ST6GALNAC5: variants seen among roughly 807,000 people sequenced by gnomAD.
ST6GALNAC5 encodes ST6 N-acetylgalactosaminide alpha-2,6-sialyltransferase 5, also known as alpha-N-acetylgalactosaminide alpha-2,6-sialyltransferase 5.
ST6GALNAC5 carries 27 observed loss-of-function variants against 33.6 expected under a neutral mutation model. The observed-to-expected ratio is 0.80, with a 90% confidence interval of 0.59 to 1.11. The LOEUF (loss-of-function observed/expected upper bound fraction) is 1.11, where lower values mean the gene tolerates loss of function less well. Among genes scored for constraint, ST6GALNAC5 ranks in the 50% least tolerant of loss-of-function variants. The pLI is 0.00. For missense variants in ST6GALNAC5, 428 were observed against 454.0 expected (o/e 0.94, Z 0.52); for synonymous variants, 194 against 171.2 (o/e 1.13, Z -1.04).
At chr1:76,982,762 G>C (rs548593319) in intron 2 of ST6GALNAC5, among the ~76,000 whole-genome samples, 12 of 152,296 alleles carry the variant, frequency 7.9e-5, no homozygotes, top group African/African-American at 2.6e-4. Flanking sequence ...CAGCCAGAAA[G>C]AAAGGTCGGG....
At chr1:76,990,921 C>T (rs1649697859) in intron 2 of ST6GALNAC5, among the ~76,000 whole-genome samples, 1 of 152,060 alleles carries the variant, frequency 6.6e-6, no homozygotes, top group Non-Finnish European at 1.5e-5. Flanking sequence ...CTAAATGGCA[C>T]AGGAAACACC....
chr1:76,906,822 T>C, intron 2 of ST6GALNAC5, among the ~76,000 whole-genome samples: 1 of 152,144 alleles, frequency 6.6e-6, no homozygotes, highest in East Asian at 1.9e-4. Context: ...GCCCCGTAGG[T>C]ACTTTATTTC....
chr1:76,868,680 C>G lies in ST6GALNAC5; in HGVS notation c.199C>G (p.Arg67Gly). Residue 67 changes from arginine to glycine, a missense_variant, in exon 2 of 5, where the codon CGC (arginine) becomes GGC (glycine). Transcript: ENST00000477717. This position sits in a 1 kb window ranked among gnomAD's most constrained non-coding sequence, Gnocchi z 4.3. ...GGCGGCGGAGAGCAGCACCCAGCAG[C>G]GCCCCGGGGTCCCCGCGGGACCGCG... is the stretch of plus-strand genomic sequence containing the variant. ...QPAAESSTQQ[R>G]PGVPAGPRPL... The G allele has an allele frequency of 6.4e-7, 1 of 1,561,244 alleles. No homozygotes were observed. The highest frequency in any genetic ancestry group is 2.4e-5 in the East Asian group (1 of 41,612).
intron 2 of ST6GALNAC5, among the ~76,000 whole-genome samples, chr1:76,965,789 G>T (rs183106769): frequency 2.6e-5 from 4 of 152,150 alleles, no homozygotes; most frequent in African/African-American, 9.7e-5. Flanking sequence ...TTTGTATAAG[G>T]TGTAACGAAG....
chr1:77,056,829 T>A (rs969352312), intron 4 of ST6GALNAC5, among the ~76,000 whole-genome samples: 2 of 152,192 alleles, frequency 1.3e-5, no homozygotes, highest in African/African-American at 4.8e-5. Flanking sequence ...TGGTGCTCCA[T>A]GCGCCTAGAC....
intron 2 of ST6GALNAC5, among the ~76,000 whole-genome samples, chr1:76,980,821 T>A (rs1482915408): frequency 3.3e-5 from 5 of 152,158 alleles, no homozygotes; most frequent in Non-Finnish European, 5.9e-5. Flanking sequence ...TATGGATTCT[T>A]AGATGTGATA....
At chr1:76,957,470 A>C (rs1648049668) in intron 2 of ST6GALNAC5, among the ~76,000 whole-genome samples, 1 of 152,210 alleles carries the variant, frequency 6.6e-6, no homozygotes, top group Non-Finnish European at 1.5e-5. Context: ...TCCTATTTCC[A>C]AATAATGTTA....
At chr1:76,878,026 A>T (rs1473300457) in intron 2 of ST6GALNAC5, among the ~76,000 whole-genome samples, 1 of 152,160 alleles carries the variant, frequency 6.6e-6, no homozygotes, top group Non-Finnish European at 1.5e-5. Flanking sequence ...AGTTTATGAT[A>T]ATCCACTGTC....
chr1:77,002,043 T>C (rs1452247481), intron 2 of ST6GALNAC5, among the ~76,000 whole-genome samples: 1 of 152,164 alleles, frequency 6.6e-6, no homozygotes, highest in Non-Finnish European at 1.5e-5. Flanking sequence ...TTCTATTGAT[T>C]GGAATAGTTT....
chr1:76,958,642 A>C (rs746342487), intron 2 of ST6GALNAC5, among the ~76,000 whole-genome samples: 35 of 152,040 alleles, frequency 2.3e-4, no homozygotes, highest in Admixed American at 3.3e-4. Flanking sequence ...TAGATGGCAC[A>C]TTTTGTGTGA....
chr1:76,998,770 A>G (rs1486307063), intron 2 of ST6GALNAC5, among the ~76,000 whole-genome samples: 1 of 152,188 alleles, frequency 6.6e-6, no homozygotes, highest in Admixed American at 6.5e-5. Flanking sequence ...TATGTGTGAA[A>G]TGTTTGAAGA....
chr1:77,032,787 GA>G (rs1651506608), intron 2 of ST6GALNAC5, among the ~76,000 whole-genome samples: 1 of 152,146 alleles, frequency 6.6e-6, no homozygotes, highest in Non-Finnish European at 1.5e-5. Flanking sequence ...TGAAACCTCA[GA>G]TTTTTCCCCC....
At chr1:76,887,490 A>G (rs1653924129) in intron 2 of ST6GALNAC5, among the ~76,000 whole-genome samples, 1 of 152,094 alleles carries the variant, frequency 6.6e-6, no homozygotes, top group African/African-American at 2.4e-5. Context: ...TATAATTTTC[A>G]GTCTTTCTGT....
chr1:77,018,754 C>T (rs1247439637), intron 2 of ST6GALNAC5, among the ~76,000 whole-genome samples: 1 of 152,174 alleles, frequency 6.6e-6, no homozygotes, highest in Non-Finnish European at 1.5e-5. Flanking sequence ...GATTAGTGAG[C>T]TCTACATAAG....
chr1:76,931,214 C>T (rs964643424), intron 2 of ST6GALNAC5, among the ~76,000 whole-genome samples: 3 of 152,038 alleles, frequency 2.0e-5, no homozygotes, highest in African/African-American at 4.8e-5. Flanking sequence ...TTAAGTTCTC[C>T]CAACAACTGG....
rs1388208956 is a variant in ST6GALNAC5 at position 77,066,158 on chromosome 1, C to T, written c.*2952C>T. On this transcript the variant is annotated 3_prime_UTR_variant, in exon 5 of 5. Coordinates refer to ENST00000477717, the MANE Select transcript of ST6GALNAC5 (RefSeq NM_030965.3). ...GGCATTTGGCAACTAAGTCCCTGTG[C>T]TTTGCTAACCCTGGTGTGTACTCCT... 6.6e-6 allele frequency among the ~76,000 whole-genome samples: 1 copy of T among 152,100 alleles called. No homozygotes were observed. Among genetic ancestry groups the T allele is most frequent in the Admixed American group, 6.6e-5 (1 of 15,248 alleles).
rs115074695 is a variant in ST6GALNAC5 at position 76,947,698 on chromosome 1, A to G, written c.261+78956A>G. ...GAGTTCAAGGCTGCAGTGAGCTATG[A>G]TCACGCCGCTGTATTCTAGCCTCGG... On this transcript the variant is annotated intron_variant, in intron 2 of 4. Transcript: ENST00000477717. Among the ~76,000 whole-genome samples, 512 of 152,248 alleles carry G rather than the reference A, an allele frequency of 3.4e-3. 1 individual carries two copies. The highest frequency in any genetic ancestry group is 0.011 in the African/African-American group (475 of 41,570).
At chr1:76,915,546 A>T (rs970815213) in intron 2 of ST6GALNAC5, among the ~76,000 whole-genome samples, 3 of 152,158 alleles carry the variant, frequency 2.0e-5, no homozygotes, top group Non-Finnish European at 4.4e-5. Flanking sequence ...CTTTGTAGGG[A>T]CATGGATGAA....
intron 2 of ST6GALNAC5, among the ~76,000 whole-genome samples, chr1:76,967,925 G>C (rs1222226753): frequency 6.6e-6 from 1 of 152,184 alleles, no homozygotes; most frequent in African/African-American, 2.4e-5. Context: ...GTTCTAATTT[G>C]GTTGCAGTGT....
Sources: allele counts gnomAD v4.1 joint callset (sites outside exome capture counted in the v4.1 genomes callset), GRCh38; gene constraint gnomAD v4.1.1; non-coding constraint Gnocchi (gnomAD v3.1); transcripts MANE v1.5; gene names NCBI Gene and HGNC (gene_info 2026-07-23, HGNC 2026-07-21).